GATAD2B: variants seen among roughly 807,000 people sequenced by gnomAD.
GATAD2B encodes GATA zinc finger domain containing 2B, also known as transcriptional repressor p66-beta.
GATAD2B carries 8 observed loss-of-function variants against 64.3 expected under a neutral mutation model. That is an observed-to-expected ratio of 0.12 (90% CI 0.07 to 0.22). The LOEUF (loss-of-function observed/expected upper bound fraction) is 0.22. GATAD2B is among the 10% of genes least tolerant of loss of function. The pLI, the probability that GATAD2B is intolerant of heterozygous loss-of-function variation, is 1.00. For synonymous variants in GATAD2B, 281 were observed against 271.3 expected, an observed-to-expected ratio of 1.04 and a Z score of -0.35; for missense variants, 453 against 752.0, an observed-to-expected ratio of 0.60 and a Z score of 4.65.
rs191964477 is a variant in GATAD2B, at chr1:153,833,254, G to A, written c.-1-4906C>T. On this transcript the variant is annotated intron_variant, in intron 1 of 10. Transcript: ENST00000368655. ...GTAAGAATTAGGCTAAATCTACTCT[G>A]CCTGCACTCTCTCAATGGAACAACG... 1.7e-4 allele frequency among the ~76,000 whole-genome samples: 26 copies of A among 152,208 alleles called. No individual in the cohort carries two copies. The East Asian group carries it at 4.8e-3, about 28-fold the overall frequency.
chr1:153,917,342 C>G (rs945013414), intron 1 of GATAD2B, among the ~76,000 whole-genome samples: 1 of 151,316 alleles, frequency 6.6e-6, no homozygotes, highest in African/African-American at 2.4e-5. Context: ...ATGATACACC[C>G]GCCTCGGCCT....
At chr1:153,852,902 C>T in intron 1 of GATAD2B, 1 of 782,932 alleles carries the variant, frequency 1.3e-6, no homozygotes, top group South Asian at 1.5e-5. Flanking sequence ...TGTTCCAAGC[C>T]ACTGCTCATG....
chr1:153,874,032 G>C (rs758257246), intron 1 of GATAD2B, among the ~76,000 whole-genome samples: 5 of 152,094 alleles, frequency 3.3e-5, no homozygotes, highest in Non-Finnish European at 7.4e-5. Context: ...GGCCGAGGAG[G>C]GTGGATCATG....
At chr1:153,917,102 G>A (rs1274062953) in intron 1 of GATAD2B, among the ~76,000 whole-genome samples, 5 of 141,294 alleles carry the variant, frequency 3.5e-5, no homozygotes, top group African/African-American at 8.0e-5. Context: ...CCCCGCACCC[G>A]GCCTATTTTT....
chr1:153,902,490 T>C (rs1031224124), intron 1 of GATAD2B, among the ~76,000 whole-genome samples: 3 of 152,094 alleles, frequency 2.0e-5, no homozygotes, highest in East Asian at 3.9e-4. Flanking sequence ...GTCTCACTCT[T>C]GTCACCCAGG....
At chr1:153,852,629 A>C in intron 1 of GATAD2B, 1 of 806,868 alleles carries the variant, frequency 1.2e-6, no homozygotes, top group Non-Finnish European at 2.2e-6. Context: ...TGGCAAATTC[A>C]ATCAAGTGAA....
intron 1 of GATAD2B, among the ~76,000 whole-genome samples, chr1:153,891,631 A>AGGAGAG (rs1231685187): frequency 1.1e-5 from 1 of 90,208 alleles, no homozygotes; most frequent in African/African-American, 4.2e-5. Context: ...GGAAGGAAAA[A>AGGAGAG]GGAGAGGGGA....
At chr1:153,874,065 C>T (rs1357064822) in intron 1 of GATAD2B, among the ~76,000 whole-genome samples, 1 of 151,980 alleles carries the variant, frequency 6.6e-6, no homozygotes, top group Non-Finnish European at 1.5e-5. Context: ...CGTCTGAGAC[C>T]ATCCTGGCCA....
At chr1:153,817,689 G>C (rs1358836501) in intron 5 of GATAD2B, 147 bp from the exon 6 acceptor site, 2 of 587,132 alleles carry the variant, frequency 3.4e-6, no homozygotes, top group East Asian at 3.1e-5. Context: ...TTCATTTAAT[G>C]GTCTATGGGA....
Position 153,807,872 on chromosome 1 carries a change from GA to G in GATAD2B, c.*2304del, listed in dbSNP as rs1388990818. ...AGCTTGGGGAGAGGGAGACGTAACA[GA>G]AATGGCACTTCATCATGAGGGAGGG... On this transcript the variant is annotated 3_prime_UTR_variant, in exon 11 of 11. Transcript: ENST00000368655. The G allele has an allele frequency of 2.0e-5, 3 of 152,564 alleles. No homozygotes were observed. The highest frequency in any genetic ancestry group is 4.4e-5 in the Non-Finnish European group (3 of 68,022). The allele number at this position is 152,564 out of a possible 1,614,324, so 9.5% of individuals were successfully genotyped here.
At chr1:153,891,749 A>G (rs1463991412) in intron 1 of GATAD2B, among the ~76,000 whole-genome samples, 4 of 151,660 alleles carry the variant, frequency 2.6e-5, no homozygotes, top group African/African-American at 7.3e-5. Flanking sequence ...ACTTTTTCCA[A>G]TTGTAAATTC....
chr1:153,877,469 A>T lies in GATAD2B; in HGVS notation c.-2+45264T>A, dbSNP rs561292956. On this transcript the variant is annotated intron_variant, in intron 1 of 10. Coordinates refer to ENST00000368655, the MANE Select transcript of GATAD2B (RefSeq NM_020699.4). ...TATGAGAGTTAAGAAAAAAAAAAAAATTTCTCATCTATCCTTTAAGAGAAG... is the reference window on the plus strand; with the variant it reads ...TATGAGAGTTAAGAAAAAAAAAAAATTTTCTCATCTATCCTTTAAGAGAAG... Among the ~76,000 whole-genome samples, 220 of 152,134 alleles carry T rather than the reference A, an allele frequency of 1.4e-3. 1 individual carries two copies. Among genetic ancestry groups the T allele is most frequent in the African/African-American group, 5.1e-3 (210 of 41,488 alleles).
At chr1:153,916,866 T>TG (rs1450149771) in intron 1 of GATAD2B, among the ~76,000 whole-genome samples, 4 of 152,206 alleles carry the variant, frequency 2.6e-5, no homozygotes, top group African/African-American at 9.6e-5. Context: ...TAGAGCACAG[T>TG]GGCACAATCT....
chr1:153,877,228 A>G (rs1387110718), intron 1 of GATAD2B, among the ~76,000 whole-genome samples: 1 of 152,122 alleles, frequency 6.6e-6, no homozygotes, highest in Non-Finnish European at 1.5e-5. Flanking sequence ...AGTCAGTCCT[A>G]GCTACTTGGG....
intron 1 of GATAD2B, among the ~76,000 whole-genome samples, chr1:153,837,956 C>G (rs1254647512): frequency 6.6e-6 from 1 of 152,206 alleles, no homozygotes; most frequent in Non-Finnish European, 1.5e-5. Context: ...TGCTATTGGA[C>G]ACTTTATCAC....
Position 153,900,192 on chromosome 1 carries a change from C to T in GATAD2B, c.-2+22541G>A, listed in dbSNP as rs184528136. Among the ~76,000 whole-genome samples the T allele has an allele frequency of 4.2e-3, 643 of 151,986 alleles. 1 individual carries two copies. The highest frequency in any genetic ancestry group is 6.7e-3 in the Non-Finnish European group (453 of 67,974). On this transcript the variant is annotated intron_variant, in intron 1 of 10. Coordinates refer to ENST00000368655, the MANE Select transcript of GATAD2B (RefSeq NM_020699.4). ...CAGCACTTTGGGAGGCCGAGGCAGG[C>T]GGATCACGAGGTCAGGAATTCGAGA...
intron 1 of GATAD2B, among the ~76,000 whole-genome samples, chr1:153,910,891 C>CTAAATTAAATTAA (rs1280777967): frequency 1.3e-5 from 2 of 152,250 alleles, no homozygotes; most frequent in African/African-American, 2.4e-5. Flanking sequence ...GTATTAAATG[C>CTAAATTAAATTAA]ATTTCTGACT....
In GATAD2B at chr1:153,852,227, T is replaced by C. The variant is rs867669514; in HGVS notation, c.-1-23879A>G. The stretch of plus-strand genomic sequence containing the variant: ...GGACCTACCAGCCAGTTGAGGGGCA[T>C]GTTGTTAACAAGAAATCCATCAAGT... On this transcript the variant is annotated intron_variant, in intron 1 of 10. Transcript: ENST00000368655. 7.5e-5 allele frequency: 89 copies of C among 1,182,572 alleles called. 1 individual carries two copies. In the Middle Eastern group the frequency reaches 1.0e-3, roughly 13 times the overall value. The allele number at this position is 1,182,572 out of a possible 1,614,324, so 73.3% of individuals were successfully genotyped here. A position where few individuals can be genotyped will look rare whatever the true frequency, so the allele number is the denominator to read the frequency against.
At chr1:153,815,272 C>CA (rs1369262441) in intron 7 of GATAD2B, among the ~76,000 whole-genome samples, 3 of 17,906 alleles carry the variant, frequency 1.7e-4, no homozygotes, top group Non-Finnish European at 4.3e-4. Flanking sequence ...GACCCTGTCT[C>CA]AAAAAAACAA....
Sources: gnomAD v4.1 joint callset for allele counts (sites outside exome capture counted in the v4.1 genomes callset) on GRCh38, gnomAD v4.1.1 for gene constraint, MANE v1.5 for transcripts, NCBI Gene and HGNC (gene_info 2026-07-23, HGNC 2026-07-21) for gene names.